The following NFIB variants were observed in gnomAD, a reference collection of about 807,000 sequenced individuals.
The protein encoded by NFIB is nuclear factor 1 B-type.
NFIB carries 11 observed loss-of-function variants against 61.5 expected under a neutral mutation model. The ratio of observed to expected loss-of-function variants is 0.18; its 90% CI spans 0.11 to 0.30. NFIB has a LOEUF of 0.30. NFIB is among the 10% of genes least tolerant of loss of function. The pLI is 1.00. For synonymous variants in NFIB, 260 were observed against 216.5 expected (o/e 1.20, Z -1.76); for missense variants, 471 against 608.9 (o/e 0.77, Z 2.38).
rs186464587 is a variant in NFIB at position 14,242,344 on chromosome 9, A to T, written c.563-62564T>A. ...GGGCTGTATTTGCTTTTTCCATTGC[A>T]AACCTACAAGGATTCCTTCAGACTT... On this transcript the variant is annotated intron_variant, in intron 2 of 10. Transcript: ENST00000380953. Among the ~76,000 whole-genome samples, 86 of 152,340 alleles carry T rather than the reference A, an allele frequency of 5.6e-4. 1 individual carries two copies. In the East Asian group the frequency reaches 0.013, roughly 22 times the overall value.
intron 6 of NFIB, among the ~76,000 whole-genome samples, chr9:14,142,699 T>C (rs959821082): frequency 2.6e-5 from 4 of 152,152 alleles, no homozygotes; most frequent in African/African-American, 7.2e-5. Flanking sequence ...GGAGGAAGTA[T>C]TGGAATAAAA....
intron 1 of NFIB, among the ~76,000 whole-genome samples, chr9:14,354,825 G>C (rs1347444847): frequency 7.0e-6 from 1 of 142,618 alleles, no homozygotes; most frequent in African/African-American, 2.7e-5. Context: ...TGTAGAAATG[G>C]ATTGTCCCGT....
chr9:14,471,158 G>A, the NFIB span, among the ~76,000 whole-genome samples: 6 of 152,144 alleles, frequency 3.9e-5, no homozygotes, highest in South Asian at 4.2e-4. Flanking sequence ...TTCTATAATC[G>A]TAGGAAGCAA....
At chr9:14,312,502 G>T (rs983422947) in intron 1 of NFIB, among the ~76,000 whole-genome samples, 1 of 152,122 alleles carries the variant, frequency 6.6e-6, no homozygotes, top group African/African-American at 2.4e-5. Flanking sequence ...TAACAGTTCT[G>T]GGCTAAGATA....
the NFIB span, among the ~76,000 whole-genome samples, chr9:14,488,981 A>G: frequency 8.5e-5 from 13 of 152,304 alleles, no homozygotes; most frequent in Non-Finnish European, 1.5e-4. Flanking sequence ...TGAAAATGAC[A>G]TAACAGCTGT....
At chr9:14,367,462 C>T (rs767838575) in intron 1 of NFIB, among the ~76,000 whole-genome samples, 2 of 151,914 alleles carry the variant, frequency 1.3e-5, no homozygotes, top group Non-Finnish European at 2.9e-5. Context: ...CAGAAGGGCA[C>T]ATCTGAGATC....
chr9:14,142,249 G>T (rs1174307918), intron 6 of NFIB, among the ~76,000 whole-genome samples: 1 of 152,188 alleles, frequency 6.6e-6, no homozygotes, highest in Non-Finnish European at 1.5e-5. Flanking sequence ...GATCTTTCCT[G>T]TGTTGTTCTC....
At chr9:14,194,426 C>T (rs771833295) in intron 2 of NFIB, among the ~76,000 whole-genome samples, 2 of 152,036 alleles carry the variant, frequency 1.3e-5, no homozygotes, top group African/African-American at 2.4e-5. Flanking sequence ...GACTTTTTCT[C>T]GTAATGGCAG....
intron 5 of NFIB, among the ~76,000 whole-genome samples, chr9:14,148,073 T>C (rs2042464823): frequency 6.6e-6 from 1 of 152,168 alleles, no homozygotes; most frequent in South Asian, 2.1e-4. Context: ...CCCCCACCAA[T>C]AAAGCAGACA....
chr9:14,345,975 C>T (rs764339290), intron 1 of NFIB, among the ~76,000 whole-genome samples: 17 of 152,204 alleles, frequency 1.1e-4, no homozygotes, highest in Non-Finnish European at 1.9e-4. Flanking sequence ...TCTCTGACAC[C>T]GCCATGGTGG....
rs1194140613 is a variant in NFIB at position 14,313,973 on chromosome 9, A to C, written c.-462T>G. 4.1e-5 allele frequency: 7 copies of C among 172,602 alleles called. No individual in the cohort carries two copies. Among genetic ancestry groups the C allele is most frequent in the African/African-American group, 2.4e-4 (1 of 4,174 alleles). 10.7% of individuals were successfully genotyped at this position (172,602 alleles called of 1,614,324 possible). Reference sequence around the variant, plus strand: ...GGAGGGGGGCGCGGGAGGGCGCAGGAGGGCGAGCGGGCGGGCGGGAGGGAG... The same window carrying C: ...GGAGGGGGGCGCGGGAGGGCGCAGGCGGGCGAGCGGGCGGGCGGGAGGGAG... On this transcript the variant is annotated 5_prime_UTR_variant, in exon 1 of 11. Coordinates refer to ENST00000380953, the MANE Select transcript of NFIB (RefSeq NM_001190737.2). The surrounding 1 kb of genome is among the most constrained non-coding windows in gnomAD (Gnocchi z 4.5).
chr9:14,277,342 C>G (rs201545187), intron 2 of NFIB, among the ~76,000 whole-genome samples: 1 of 48,292 alleles, frequency 2.1e-5, no homozygotes, highest in South Asian at 1.1e-3. Context: ...CACGCACACA[C>G]AGACACACAC....
chr9:14,473,896 C>T, the NFIB span, among the ~76,000 whole-genome samples: 1 of 152,058 alleles, frequency 6.6e-6, no homozygotes, highest in African/African-American at 2.4e-5. Context: ...GAACCATGAC[C>T]GTTTTTCACC....
chr9:14,156,683 C>A (rs1009240768), intron 3 of NFIB, among the ~76,000 whole-genome samples: 9 of 152,074 alleles, frequency 5.9e-5, no homozygotes, highest in Admixed American at 5.2e-4. Context: ...GAGATGAGAA[C>A]TCCCACAAAC....
At chr9:14,186,405 T>C (rs1001642744) in intron 2 of NFIB, among the ~76,000 whole-genome samples, 1 of 152,260 alleles carries the variant, frequency 6.6e-6, no homozygotes, top group Middle Eastern at 3.4e-3. Flanking sequence ...AACAGTCTCT[T>C]TCTTTCTCTC....
At chr9:14,246,312 A>T (rs975177560) in intron 2 of NFIB, among the ~76,000 whole-genome samples, 7 of 152,100 alleles carry the variant, frequency 4.6e-5, no homozygotes, top group African/African-American at 1.7e-4. Flanking sequence ...GATGGGAGGA[A>T]GCTCCCACTG....
chr9:14,129,512 G>A (rs533534578), intron 6 of NFIB, among the ~76,000 whole-genome samples: 1 of 151,638 alleles, frequency 6.6e-6, no homozygotes, highest in South Asian at 2.1e-4. Flanking sequence ...TTTTAATCAT[G>A]AACCAAACTA....
intron 1 of NFIB, among the ~76,000 whole-genome samples, chr9:14,355,855 G>C (rs991220480): frequency 2.6e-5 from 4 of 152,116 alleles, no homozygotes; most frequent in Admixed American, 1.3e-4. Context: ...TACTCCGGAG[G>C]CTGAGGCAGG....
At chr9:14,484,700 G>T in the NFIB span, among the ~76,000 whole-genome samples, 7 of 152,122 alleles carry the variant, frequency 4.6e-5, no homozygotes, top group Non-Finnish European at 1.0e-4. Flanking sequence ...GTTCATTAAT[G>T]TAATAGATAA....
Sources: allele counts gnomAD v4.1 joint callset (sites outside exome capture counted in the v4.1 genomes callset), GRCh38; gene constraint gnomAD v4.1.1; non-coding constraint Gnocchi (gnomAD v3.1); transcripts MANE v1.5; gene names NCBI Gene and HGNC (gene_info 2026-07-23, HGNC 2026-07-21).